The following CYTH3 variants were observed in gnomAD, a reference collection of about 807,000 sequenced individuals.
CYTH3 encodes cytohesin 3, also known as cytohesin-3.
Under a neutral mutation model 55.1 loss-of-function variants are expected in CYTH3, and 23 were observed. The ratio of observed to expected loss-of-function variants is 0.42; its 90% CI spans 0.30 to 0.59. The LOEUF (loss-of-function observed/expected upper bound fraction) is 0.59. Ranked by LOEUF, CYTH3 falls within the 20% of genes least tolerant of loss-of-function variation. The pLI is 0.20. For missense variants in CYTH3, 413 were observed against 524.8 expected (o/e 0.79, Z 2.08); for synonymous variants, 249 against 194.9 (o/e 1.28, Z -2.31).
intron 3 of CYTH3, 70 bp from the exon 4 acceptor site, chr7:6,187,186 G>A (rs1783676583): frequency 1.3e-6 from 2 of 1,508,984 alleles, no homozygotes; most frequent in East Asian, 2.3e-5. Flanking sequence ...CGGCCCTCCA[G>A]TGTACTTTCC....
chr7:6,246,519 G>A (rs113507854), intron 1 of CYTH3, among the ~76,000 whole-genome samples: 17 of 152,024 alleles, frequency 1.1e-4, no homozygotes, highest in African/African-American at 3.1e-4. Flanking sequence ...GATGTGTGAC[G>A]TGGAATGTGA....
At chr7:6,212,271 G>C (rs1013456100) in intron 1 of CYTH3, among the ~76,000 whole-genome samples, 1 of 152,130 alleles carries the variant, frequency 6.6e-6, no homozygotes, top group Non-Finnish European at 1.5e-5. Flanking sequence ...ATGGCTACAC[G>C]CATGTGCCAC....
At chr7:6,178,906 C>G (rs1015821569) in intron 4 of CYTH3, among the ~76,000 whole-genome samples, 2 of 152,162 alleles carry the variant, frequency 1.3e-5, no homozygotes, top group South Asian at 4.1e-4. Context: ...CTAACACAGC[C>G]TTGCAGCCAG....
At chr7:6,192,384 A>T (rs1365544078) in intron 1 of CYTH3, among the ~76,000 whole-genome samples, 2 of 145,374 alleles carry the variant, frequency 1.4e-5, no homozygotes, top group South Asian at 2.2e-4. Context: ...TGTCTGGCTA[A>T]TTTTTTTTTT....
In CYTH3 at chr7:6,253,691, C is replaced by G. The variant is rs189238900; in HGVS notation, c.34+18783G>C. Among the ~76,000 whole-genome samples the G allele has an allele frequency of 6.2e-3, 947 of 152,250 alleles. 9 individuals are homozygous for G. The highest frequency in any genetic ancestry group is 0.021 in the African/African-American group (882 of 41,558). On this transcript the variant is annotated intron_variant, in intron 1 of 12. Transcript: ENST00000350796. Reference sequence around the variant, plus strand: ...ATTAGCCGGGCGTGGTAGTAGGCACCTGTAGTCCCAGCTACTGGGGAGGTT... The same window carrying G: ...ATTAGCCGGGCGTGGTAGTAGGCACGTGTAGTCCCAGCTACTGGGGAGGTT...
chr7:6,188,368 G>T (rs1783712616), intron 2 of CYTH3, among the ~76,000 whole-genome samples: 1 of 150,012 alleles, frequency 6.7e-6, no homozygotes, highest in African/African-American at 2.5e-5. Context: ...AAAAAAAAAA[G>T]CCCAGCAAAA....
At chr7:6,259,799 A>AATATATATATAATATATATATATAT (rs1780281784) in intron 1 of CYTH3, among the ~76,000 whole-genome samples, 1 of 24,980 alleles carries the variant, frequency 4.0e-5, no homozygotes, top group South Asian at 1.2e-3. Context: ...ATATATATAT[A>AATATATATATAATATATATATATAT]TATATATATA....
Position 6,162,218 on chromosome 7 carries a change from T to C in CYTH3, c.*2726A>G, listed in dbSNP as rs1340378803. 1 of 152,432 alleles carries C rather than the reference T, an allele frequency of 6.6e-6. No individual in the cohort carries two copies. Among genetic ancestry groups the C allele is most frequent in the African/African-American group, 2.4e-5 (1 of 41,464 alleles). 9.4% of individuals were successfully genotyped at this position (152,432 alleles called of 1,614,324 possible). On this transcript the variant is annotated 3_prime_UTR_variant, in exon 13 of 13. Transcript: ENST00000350796. ...GTTCTGTGACCCCAAAGACACAAAG[T>C]TGCTGCTTATCTGGGTCCAGGGTCA...
intron 1 of CYTH3, among the ~76,000 whole-genome samples, chr7:6,225,907 T>C (rs1779238689): frequency 6.6e-6 from 1 of 151,906 alleles, no homozygotes; most frequent in Admixed American, 6.6e-5. Flanking sequence ...CTTGAACTCC[T>C]GACCTTGGGA....
intron 1 of CYTH3, among the ~76,000 whole-genome samples, chr7:6,225,548 G>A (rs906926144): frequency 2.0e-5 from 3 of 151,874 alleles, no homozygotes; most frequent in African/African-American, 7.3e-5. Context: ...TAGAGTCAGG[G>A]TTTCTCCATG....
At chr7:6,211,763 T>C (rs1784324222) in intron 1 of CYTH3, among the ~76,000 whole-genome samples, 1 of 152,160 alleles carries the variant, frequency 6.6e-6, no homozygotes, top group Non-Finnish European at 1.5e-5. Context: ...TTTGGGAGGC[T>C]GAGGCGGGTG....
intron 1 of CYTH3, among the ~76,000 whole-genome samples, chr7:6,257,064 C>T (rs551263550): frequency 2.0e-5 from 3 of 152,262 alleles, no homozygotes; most frequent in East Asian, 1.9e-4. Context: ...CTGTGATTCC[C>T]GAGAAAACGC....
intron 1 of CYTH3, among the ~76,000 whole-genome samples, chr7:6,192,929 G>A (rs1783836970): frequency 6.6e-6 from 1 of 151,950 alleles, no homozygotes; most frequent in Admixed American, 6.6e-5. Flanking sequence ...CCAGCACTTT[G>A]GGAGGCAGAG....
At chr7:6,178,973 T>C (rs1290439037) in intron 4 of CYTH3, among the ~76,000 whole-genome samples, 1 of 152,224 alleles carries the variant, frequency 6.6e-6, no homozygotes, top group East Asian at 1.9e-4. Flanking sequence ...GAAATCAATT[T>C]GCCAGGAGGC....
chr7:6,194,096 T>A (rs935343276), intron 1 of CYTH3, among the ~76,000 whole-genome samples: 8 of 152,132 alleles, frequency 5.3e-5, no homozygotes, highest in South Asian at 2.1e-4. Context: ...TCTAATACAC[T>A]TTTTACTTCT....
chr7:6,255,217 A>C (rs2115052640), intron 1 of CYTH3, among the ~76,000 whole-genome samples: 1 of 152,364 alleles, frequency 6.6e-6, no homozygotes, highest in Middle Eastern at 3.4e-3. Context: ...TTACTTAAAA[A>C]TATGTCAATA....
chr7:6,271,002 G>C (rs1182528603), intron 1 of CYTH3, among the ~76,000 whole-genome samples: 1 of 152,134 alleles, frequency 6.6e-6, no homozygotes, highest in Non-Finnish European at 1.5e-5. Context: ...TATTACAGTT[G>C]TCTTTCTTTT....
At chr7:6,193,355 C>T (rs1783848424) in intron 1 of CYTH3, among the ~76,000 whole-genome samples, 1 of 142,522 alleles carries the variant, frequency 7.0e-6, no homozygotes, top group African/African-American at 2.6e-5. Flanking sequence ...CTAGCCTGGG[C>T]GACAGAGCAA....
In CYTH3 at chr7:6,169,707, A is replaced by G. The variant is rs1377160973; in HGVS notation, c.823+828T>C. ...TTCTAAAACTGCCCGTAATTGCCCT[A>G]AATTGCTCCAAAGGCCTTTAGAGCA... On this transcript the variant is annotated intron_variant, in intron 9 of 12. Coordinates refer to ENST00000350796, the MANE Select transcript of CYTH3 (RefSeq NM_004227.4). The surrounding 1 kb of genome is among the most constrained non-coding windows in gnomAD (Gnocchi z 4.1). 6.6e-6 allele frequency among the ~76,000 whole-genome samples: 1 copy of G among 152,160 alleles called. No individual in the cohort carries two copies. The highest frequency in any genetic ancestry group is 1.5e-5 in the Non-Finnish European group (1 of 68,042).
Sources: gnomAD v4.1 joint callset for allele counts (sites outside exome capture counted in the v4.1 genomes callset) on GRCh38, gnomAD v4.1.1 for gene constraint, Gnocchi (gnomAD v3.1) non-coding constraint, MANE v1.5 for transcripts, NCBI Gene and HGNC (gene_info 2026-07-23, HGNC 2026-07-21) for gene names.